The following LRP1B variants were observed in gnomAD, a reference collection of about 807,000 sequenced individuals.
LRP1B encodes LDL receptor related protein 1B.
A neutral mutation model predicts 556.6 loss-of-function variants in LRP1B; 217 were observed. The ratio of observed to expected loss-of-function variants is 0.39; its 90% CI spans 0.35 to 0.44. The LOEUF (loss-of-function observed/expected upper bound fraction) is 0.44. LRP1B is among the 20% of genes least tolerant of loss of function. LRP1B has a pLI of 1.00. For synonymous variants in LRP1B, 2,047 were observed against 1,865.8 expected, an observed-to-expected ratio of 1.10 and a Z score of -2.50; for missense variants, 5,053 against 5,620.8, an observed-to-expected ratio of 0.90 and a Z score of 3.23.
At chr2:142,008,380 T>C (rs80104513) in intron 1 of LRP1B, among the ~76,000 whole-genome samples, 3,870 of 152,290 alleles carry the variant, frequency 0.025, 164 homozygotes, top group East Asian at 0.17. Context: ...CTCTCCTTCC[T>C]AGTGTATAGA....
intron 3 of LRP1B, among the ~76,000 whole-genome samples, chr2:141,294,893 T>G (rs1573767456): frequency 6.6e-6 from 1 of 152,250 alleles, no homozygotes; most frequent in East Asian, 1.9e-4. Context: ...AATTTTAAAT[T>G]ATATTTGTTA....
At chr2:141,483,232 G>A (rs1469017294) in intron 2 of LRP1B, among the ~76,000 whole-genome samples, 10 of 149,690 alleles carry the variant, frequency 6.7e-5, no homozygotes, top group Admixed American at 2.0e-4. Flanking sequence ...TTGTCCTTGC[G>A]ATAGTTTGCT....
At chr2:141,552,029 A>G (rs1251478223) in intron 2 of LRP1B, among the ~76,000 whole-genome samples, 1 of 152,078 alleles carries the variant, frequency 6.6e-6, no homozygotes, top group African/African-American at 2.4e-5. Context: ...GAATAATCAC[A>G]GTGTGATATT....
At chr2:141,754,586 C>T (rs1049709031) in intron 2 of LRP1B, among the ~76,000 whole-genome samples, 2 of 152,174 alleles carry the variant, frequency 1.3e-5, no homozygotes, top group African/African-American at 2.4e-5. Context: ...CAGTATAAAA[C>T]TCCCTCCTTG....
intron 1 of LRP1B, among the ~76,000 whole-genome samples, chr2:142,112,096 G>A (rs192843182): frequency 1.8e-4 from 27 of 152,082 alleles, no homozygotes; most frequent in Middle Eastern, 3.4e-3. Flanking sequence ...TACATGTACC[G>A]ATAACTTACA....
chr2:142,002,986 A>G (rs1206396265), intron 1 of LRP1B, among the ~76,000 whole-genome samples: 1 of 152,246 alleles, frequency 6.6e-6, no homozygotes, highest in African/African-American at 2.4e-5. Context: ...AAGTCCTTAC[A>G]ACACCTTTCT....
intron 2 of LRP1B, among the ~76,000 whole-genome samples, chr2:141,673,287 A>C (rs747063661): frequency 2.6e-5 from 4 of 152,206 alleles, no homozygotes; most frequent in Non-Finnish European, 5.9e-5. Flanking sequence ...TGCAATGTTG[A>C]ATACCTCTAA....
At chr2:140,679,665 T>C (rs1012321413) in intron 41 of LRP1B, among the ~76,000 whole-genome samples, 8 of 152,154 alleles carry the variant, frequency 5.3e-5, no homozygotes, top group African/African-American at 1.7e-4. Flanking sequence ...GAGCAGTCAG[T>C]TTCAACGACC....
chr2:141,830,461 C>T (rs976396331), intron 1 of LRP1B, among the ~76,000 whole-genome samples: 3 of 151,858 alleles, frequency 2.0e-5, no homozygotes, highest in African/African-American at 7.2e-5. Context: ...CTCAGCATAT[C>T]ACTCAACACA....
At chr2:140,294,003 G>T (rs992628576) in intron 84 of LRP1B, among the ~76,000 whole-genome samples, 2 of 152,206 alleles carry the variant, frequency 1.3e-5, no homozygotes, top group East Asian at 3.9e-4. Flanking sequence ...AAAGCATCAG[G>T]CTACCTCAGA....
chr2:141,498,826 T>C (rs1174155909), intron 2 of LRP1B, among the ~76,000 whole-genome samples: 1 of 152,110 alleles, frequency 6.6e-6, no homozygotes, highest in African/African-American at 2.4e-5. Context: ...TATCTTTGAG[T>C]AGGAAATCTA....
intron 83 of LRP1B, among the ~76,000 whole-genome samples, chr2:140,309,214 A>G (rs1315449624): frequency 6.6e-6 from 1 of 151,772 alleles, no homozygotes; most frequent in African/African-American, 2.4e-5. Flanking sequence ...ATACAGAACT[A>G]TTCAGCAAAG....
At chr2:140,862,025 T>C (rs1692812955) in intron 27 of LRP1B, among the ~76,000 whole-genome samples, 1 of 152,208 alleles carries the variant, frequency 6.6e-6, no homozygotes, top group Non-Finnish European at 1.5e-5. Flanking sequence ...TTTTCTGTAA[T>C]ACTCTTAAGA....
At chr2:141,318,386 T>G (rs1297996771) in intron 3 of LRP1B, among the ~76,000 whole-genome samples, 1 of 152,176 alleles carries the variant, frequency 6.6e-6, no homozygotes, top group East Asian at 1.9e-4. Context: ...CAATTTTAGC[T>G]ATATGAATTT....
chr2:142,056,152 GAAAAAAT>G (rs1430093031), intron 1 of LRP1B, among the ~76,000 whole-genome samples: 1 of 151,826 alleles, frequency 6.6e-6, no homozygotes, highest in Non-Finnish European at 1.5e-5. Context: ...CTCTGTCTCA[GAAAAAAT>G]AAAAAATAAA....
chr2:141,221,519 C>T (rs1683041972), intron 6 of LRP1B, among the ~76,000 whole-genome samples: 1 of 148,868 alleles, frequency 6.7e-6, no homozygotes, highest in Non-Finnish European at 1.5e-5. Flanking sequence ...AAATATTAGA[C>T]AGATTGAGAT....
chr2:141,876,499 G>C (rs554314915), intron 1 of LRP1B, among the ~76,000 whole-genome samples: 13 of 151,846 alleles, frequency 8.6e-5, no homozygotes, highest in African/African-American at 2.9e-4. Flanking sequence ...TACTCTTTCT[G>C]CATCAGGAGA....
chr2:140,313,173 A>G (rs1684380806), intron 83 of LRP1B, among the ~76,000 whole-genome samples: 1 of 151,908 alleles, frequency 6.6e-6, no homozygotes, highest in Non-Finnish European at 1.5e-5. Context: ...ATATCATATA[A>G]TTATTATTAG....
chr2:140,588,598 A>G (rs1367697167), intron 43 of LRP1B, among the ~76,000 whole-genome samples: 1 of 152,254 alleles, frequency 6.6e-6, no homozygotes, highest in Non-Finnish European at 1.5e-5. Flanking sequence ...GGAAAAGAAC[A>G]GGGAACCCCA....
Sources: allele counts gnomAD v4.1 joint callset (sites outside exome capture counted in the v4.1 genomes callset), GRCh38; gene constraint gnomAD v4.1.1; transcripts MANE v1.5; gene names NCBI Gene and HGNC (gene_info 2026-07-23, HGNC 2026-07-21).